Variants in USP31 observed in about 807,000 individuals in gnomAD.
USP31 encodes ubiquitin specific peptidase 31.
Under a neutral mutation model 119.4 loss-of-function variants are expected in USP31, and 44 were observed. The observed-to-expected ratio is 0.37, with a 90% confidence interval of 0.29 to 0.47. The LOEUF (loss-of-function observed/expected upper bound fraction) is 0.47, where lower values mean the gene tolerates loss of function less well. Ranked by LOEUF, USP31 falls within the 20% of genes least tolerant of loss-of-function variation. USP31 has a pLI of 0.99. For missense variants in USP31, 1,643 were observed against 1,730.2 expected (o/e 0.95, Z 0.89); for synonymous variants, 749 against 705.6 (o/e 1.06, Z -0.97).
chr16:23,071,656 AAGC>A (rs1464951254), intron 15 of USP31, among the ~76,000 whole-genome samples: 2 of 152,038 alleles, frequency 1.3e-5, no homozygotes, highest in African/African-American at 4.8e-5. Flanking sequence ...CCTCCATGCC[AAGC>A]CTGGAGCCGA....
chr16:23,127,175 C>T (rs1902885724), intron 1 of USP31, among the ~76,000 whole-genome samples: 1 of 152,050 alleles, frequency 6.6e-6, no homozygotes, highest in Non-Finnish European at 1.5e-5. Context: ...CTCCTGTAAT[C>T]CCAGCACCTT....
chr16:23,079,997 G>A lies in USP31; in HGVS notation c.2125C>T (p.Leu709=), dbSNP rs761561642. The change falls in exon 13 of 16, where the codon CTG becomes TTG. Residue 709 remains leucine (L), a synonymous_variant. Coordinates refer to ENST00000219689, the MANE Select transcript of USP31 (RefSeq NM_020718.4). ...CCATGGTGATTGCACACAGCATACA[G>A]GTCATAGATGTAGTCCTCAGGGTCC... ...GRDPEDYIYD[L]YAVCNHHGTM... is the part of the protein sequence containing the mutation. 3 of 1,614,108 alleles carry A rather than the reference G, an allele frequency of 1.9e-6. No individual in the cohort carries two copies. The Admixed American group carries it at 5.0e-5, about 27-fold the overall frequency.
At chr16:23,137,196 G>A (rs1268012760) in intron 1 of USP31, among the ~76,000 whole-genome samples, 2 of 152,176 alleles carry the variant, frequency 1.3e-5, no homozygotes, top group African/African-American at 4.8e-5. Context: ...CTGAGTGACA[G>A]AGCAAGACCC....
intron 13 of USP31, among the ~76,000 whole-genome samples, chr16:23,076,457 C>T (rs1405581904): frequency 6.6e-6 from 1 of 152,168 alleles, no homozygotes; most frequent in Non-Finnish European, 1.5e-5. Context: ...AACATCTGAG[C>T]ACATCCTGGG....
intron 1 of USP31, among the ~76,000 whole-genome samples, chr16:23,130,969 C>T (rs1399229971): frequency 2.6e-5 from 4 of 152,004 alleles, no homozygotes; most frequent in Non-Finnish European, 4.4e-5. Context: ...AAGATCTTAA[C>T]GGACCTGCAT....
At position 23,061,512 on chromosome 16, in the gene USP31, C is replaced by T. The variant is rs9564; in HGVS notation, c.*6534G>A. The T allele has an allele frequency of 0.29, 43,508 of 152,470 alleles. 6,491 individuals carry two copies. The highest frequency in any genetic ancestry group is 0.36 in the Admixed American group (5,462 of 15,282). The allele number at this position is 152,470 out of a possible 1,614,324, so 9.4% of individuals were successfully genotyped here. A position where few individuals can be genotyped will look rare whatever the true frequency, so the allele number is the denominator to read the frequency against. On this transcript the variant is annotated 3_prime_UTR_variant, in exon 16 of 16. Coordinates refer to ENST00000219689, the MANE Select transcript of USP31 (RefSeq NM_020718.4). ...AATCAACGCTGTTTCAGAAATAAAA[C>T]GTTTCAAACGTAAAAATATAAATTC...
chr16:23,091,978 T>C (rs1487110241), intron 6 of USP31, among the ~76,000 whole-genome samples: 1 of 152,174 alleles, frequency 6.6e-6, no homozygotes, highest in Non-Finnish European at 1.5e-5. Context: ...TGGGAAGATC[T>C]GTTCTCCTAG....
chr16:23,111,667 T>C (rs542449366), intron 1 of USP31, among the ~76,000 whole-genome samples: 3 of 152,066 alleles, frequency 2.0e-5, no homozygotes, highest in African/African-American at 7.2e-5. Context: ...ACATCATCTA[T>C]GAGAGACTGA....
chr16:23,147,586 ACACTTGCAGCCC>A (rs1011945798), intron 1 of USP31, among the ~76,000 whole-genome samples: 58 of 152,040 alleles, frequency 3.8e-4, no homozygotes, highest in African/African-American at 1.4e-3. Flanking sequence ...CCCTCTCACT[ACACTTGCAGCCC>A]CACCAGCAAA....
intron 1 of USP31, among the ~76,000 whole-genome samples, chr16:23,142,195 T>C (rs1903372089): frequency 6.6e-6 from 1 of 152,250 alleles, no homozygotes; most frequent in South Asian, 2.1e-4. Flanking sequence ...GGAAAATTTA[T>C]TGTAATTCTT....
chr16:23,108,327 G>A lies in USP31; in HGVS notation c.634-144C>T, dbSNP rs535157378. The A allele has an allele frequency of 4.4e-6, 5 of 1,146,696 alleles. No homozygotes were observed. In the East Asian group the frequency reaches 1.1e-4, roughly 25 times the overall value. The allele number at this position is 1,146,696 out of a possible 1,614,324, so 71.0% of individuals were successfully genotyped here. On this transcript the variant is annotated intron_variant, in intron 1 of 15. Transcript: ENST00000219689. ...GAAGGAGTGCAAAGTAAAAACAGAT[G>A]CCAGTGTAAAAACCTCACCCCTAGA... is the stretch of plus-strand genomic sequence containing the variant.
intron 13 of USP31, among the ~76,000 whole-genome samples, chr16:23,078,495 G>A (rs978483585): frequency 3.3e-5 from 5 of 151,958 alleles, no homozygotes; most frequent in East Asian, 1.9e-4. Context: ...GAGGTGAGGC[G>A]GCAGGCTCCT....
chr16:23,134,686 A>G (rs1035700203), intron 1 of USP31, among the ~76,000 whole-genome samples: 4 of 151,756 alleles, frequency 2.6e-5, no homozygotes, highest in Admixed American at 6.6e-5. Flanking sequence ...AAAAAAAAAA[A>G]AAAAGAAAGA....
rs113946424 is a variant in USP31 at position 23,067,913 on chromosome 16, T to TCACACACACACA, written c.*121_*132dup. On this transcript the variant is annotated 3_prime_UTR_variant, in exon 16 of 16. Transcript: ENST00000219689. ...GAATTAGACACACACACGCATACACTCACACACACACACACAGTCGGGCAC... is the reference window on the plus strand; with the variant it reads ...GAATTAGACACACACACGCATACACTCACACACACACACACACACACACACACAGTCGGGCAC... 17 of 1,017,938 alleles carry TCACACACACACA rather than the reference T, an allele frequency of 1.7e-5. No individual in the cohort carries two copies. The African/African-American group carries it at 2.3e-4, about 14-fold the overall frequency. 63.1% of individuals were successfully genotyped at this position (1,017,938 alleles called of 1,614,324 possible).
intron 1 of USP31, among the ~76,000 whole-genome samples, chr16:23,144,089 C>T (rs1181538067): frequency 6.6e-6 from 1 of 152,150 alleles, no homozygotes; most frequent in Middle Eastern, 3.2e-3. Context: ...CCATCTAGCC[C>T]ATCCAAAACC....
rs1719727245 is a variant in USP31 at position 23,061,827 on chromosome 16, A to T, written c.*6219T>A. The stretch of plus-strand genomic sequence containing the variant: ...AGAAATTCCAGTGTAAAAACTGAAG[A>T]GTTCAATCAAGAAACGACTTATGTC... On this transcript the variant is annotated 3_prime_UTR_variant, in exon 16 of 16. Coordinates refer to ENST00000219689, the MANE Select transcript of USP31 (RefSeq NM_020718.4). 1 of 152,686 alleles carries T rather than the reference A, an allele frequency of 6.5e-6. No homozygotes were observed. The highest frequency in any genetic ancestry group is 6.5e-5 in the Admixed American group (1 of 15,290). 9.5% of individuals were successfully genotyped at this position (152,686 alleles called of 1,614,324 possible). A position where few individuals can be genotyped will look rare whatever the true frequency, so the allele number is the denominator to read the frequency against.
chr16:23,081,495 T>C lies in USP31; in HGVS notation c.1950+943A>G, dbSNP rs140672565. On this transcript the variant is annotated intron_variant, in intron 12 of 15. Coordinates refer to ENST00000219689, the MANE Select transcript of USP31 (RefSeq NM_020718.4). Reference sequence around the variant, plus strand: ...TCTCCGTCTCTACTGCCACAACCTATCCCATCTACTAGCAGCCCACCCTGG... The same window carrying C: ...TCTCCGTCTCTACTGCCACAACCTACCCCATCTACTAGCAGCCCACCCTGG... Among the ~76,000 whole-genome samples the C allele has an allele frequency of 9.2e-3, 1,403 of 152,182 alleles. 16 individuals are homozygous for C. Among genetic ancestry groups the C allele is most frequent in the African/African-American group, 0.029 (1,217 of 41,490 alleles).
In USP31 at chr16:23,067,882, G is replaced by A. The variant is rs1322610004; in HGVS notation, c.*164C>T. The A allele has an allele frequency of 5.7e-6, 5 of 881,922 alleles. No individual in the cohort carries two copies. The East Asian group carries it at 1.4e-4, about 25-fold the overall frequency. The allele number at this position is 881,922 out of a possible 1,614,324, so 54.6% of individuals were successfully genotyped here. A position where few individuals can be genotyped will look rare whatever the true frequency, so the allele number is the denominator to read the frequency against. On this transcript the variant is annotated 3_prime_UTR_variant, in exon 16 of 16. Coordinates refer to ENST00000219689, the MANE Select transcript of USP31 (RefSeq NM_020718.4). ...AATAAGGCGACGCTTTGAACAATTT[G>A]CAATTGAATTAGACACACACACGCA...
At chr16:23,073,057 A>T (rs1431595870) in intron 14 of USP31, among the ~76,000 whole-genome samples, 1 of 151,974 alleles carries the variant, frequency 6.6e-6, no homozygotes, top group Non-Finnish European at 1.5e-5. Context: ...TTGAAGTCAA[A>T]CTCTGCATTC....
Sources: allele counts gnomAD v4.1 joint callset (sites outside exome capture counted in the v4.1 genomes callset), GRCh38; gene constraint gnomAD v4.1.1; transcripts MANE v1.5; gene names NCBI Gene and HGNC (gene_info 2026-07-23, HGNC 2026-07-21).